The following PHLPP1 variants were observed in gnomAD, a reference collection of about 807,000 sequenced individuals.
PHLPP1 encodes PH domain leucine-rich repeat-containing protein phosphatase 1.
Under a neutral mutation model 117.2 loss-of-function variants are expected in PHLPP1, and 42 were observed. That is an observed-to-expected ratio of 0.36 (90% confidence interval 0.28 to 0.46). The LOEUF (loss-of-function observed/expected upper bound fraction) is 0.46. Ranked by LOEUF, PHLPP1 falls within the 20% of genes least tolerant of loss-of-function variation. The pLI, the probability that PHLPP1 is intolerant of heterozygous loss-of-function variation, is 1.00. For missense variants in PHLPP1, 2,084 were observed against 2,241.9 expected (o/e 0.93, Z 1.42); for synonymous variants, 1,042 against 970.7 (o/e 1.07, Z -1.37).
chr18:62,743,984 C>A (rs1179311525), intron 1 of PHLPP1, among the ~76,000 whole-genome samples: 1 of 152,136 alleles, frequency 6.6e-6, no homozygotes, highest in African/African-American at 2.4e-5. Context: ...GTTGGATCTT[C>A]TTTTGCTGGA....
chr18:62,732,020 A>G (rs1911239395), intron 1 of PHLPP1, among the ~76,000 whole-genome samples: 1 of 152,252 alleles, frequency 6.6e-6, no homozygotes, highest in African/African-American at 2.4e-5. Context: ...ACAAAGGTGC[A>G]AGGTGAAGCT....
At chr18:62,737,028 G>A (rs1435304986) in intron 1 of PHLPP1, among the ~76,000 whole-genome samples, 1 of 152,122 alleles carries the variant, frequency 6.6e-6, no homozygotes, top group African/African-American at 2.4e-5. Flanking sequence ...CCTATCTAAT[G>A]GGAGGTGACG....
chr18:62,791,061 A>T (rs1258767935), intron 1 of PHLPP1, among the ~76,000 whole-genome samples: 1 of 152,076 alleles, frequency 6.6e-6, no homozygotes, highest in African/African-American at 2.4e-5. Context: ...CTTGGACTTA[A>T]AGGCCTGGAG....
At chr18:62,783,990 C>T (rs1278084675) in intron 1 of PHLPP1, among the ~76,000 whole-genome samples, 2 of 152,228 alleles carry the variant, frequency 1.3e-5, no homozygotes, top group African/African-American at 2.4e-5. Context: ...AGAGCTGAAG[C>T]TGCTGGCTAC....
intron 5 of PHLPP1, 46 bp from the exon 6 acceptor site, chr18:62,895,735 T>TA: frequency 8.5e-7 from 1 of 1,177,902 alleles, no homozygotes; most frequent in Non-Finnish European, 1.3e-6. Context: ...AATAAAGATG[T>TA]AAAATTTATA....
intron 1 of PHLPP1, among the ~76,000 whole-genome samples, chr18:62,723,139 G>A (rs1277408966): frequency 6.6e-6 from 1 of 152,182 alleles, no homozygotes; most frequent in African/African-American, 2.4e-5. Flanking sequence ...TTGTGGAGGT[G>A]TAAGCCTAGT....
intron 10 of PHLPP1, among the ~76,000 whole-genome samples, chr18:62,937,944 G>A (rs997740285): frequency 6.6e-6 from 1 of 152,110 alleles, no homozygotes; most frequent in Non-Finnish European, 1.5e-5. Flanking sequence ...CCTGGGAGGC[G>A]GAGGTTGCTG....
chr18:62,845,722 G>A (rs1915164238), intron 3 of PHLPP1, among the ~76,000 whole-genome samples: 6 of 152,124 alleles, frequency 3.9e-5, no homozygotes, highest in Admixed American at 3.9e-4. Flanking sequence ...TGTTAGCATG[G>A]TCTGCCACTT....
At chr18:62,898,485 A>G (rs552724814) in intron 6 of PHLPP1, among the ~76,000 whole-genome samples, 1 of 152,164 alleles carries the variant, frequency 6.6e-6, no homozygotes, top group South Asian at 2.1e-4. Flanking sequence ...CAGCCTCCCA[A>G]GCAAGCACAA....
intron 6 of PHLPP1, among the ~76,000 whole-genome samples, chr18:62,900,671 C>T (rs558790965): frequency 6.6e-6 from 1 of 151,778 alleles, no homozygotes; most frequent in African/African-American, 2.4e-5. Flanking sequence ...TGCTCTGTTG[C>T]CCAGTCTGGT....
intron 3 of PHLPP1, 31 bp downstream of exon 3, chr18:62,838,940 C>T (rs369285728): frequency 3.7e-6 from 6 of 1,611,566 alleles, no homozygotes; most frequent in African/African-American, 1.3e-5. Flanking sequence ...GGAATCCACT[C>T]AGCTTCTAGC....
chr18:62,962,425 A>C (rs529889913), intron 13 of PHLPP1, among the ~76,000 whole-genome samples: 6 of 152,154 alleles, frequency 3.9e-5, no homozygotes, highest in African/African-American at 1.4e-4. Context: ...CTCCTGTCTC[A>C]GCCTCCCGAG....
chr18:62,852,261 T>G (rs1245117143), intron 3 of PHLPP1, among the ~76,000 whole-genome samples: 1 of 152,208 alleles, frequency 6.6e-6, no homozygotes, highest in African/African-American at 2.4e-5. Context: ...AAATTCCAGG[T>G]AGAATTTCAT....
intron 1 of PHLPP1, among the ~76,000 whole-genome samples, chr18:62,764,563 C>T (rs1169574426): frequency 2.0e-5 from 3 of 151,860 alleles, no homozygotes; most frequent in Non-Finnish European, 4.4e-5. Context: ...ATCAGCCTGG[C>T]CAACATGGTG....
At position 62,914,022 on chromosome 18, in the gene PHLPP1, A is replaced by G. The variant is rs115016417; in HGVS notation, c.2709-891A>G. On this transcript the variant is annotated intron_variant, in intron 8 of 16. Coordinates refer to ENST00000262719, the MANE Select transcript of PHLPP1 (RefSeq NM_194449.4). ...GGCCTCCCAAAGTGCCGGGATTACA[A>G]GCATGAGCTACCATGCCTGGCCTAG... Among the ~76,000 whole-genome samples, 416 of 152,182 alleles carry G rather than the reference A, an allele frequency of 2.7e-3. 2 individuals are homozygous for G. The highest frequency in any genetic ancestry group is 9.8e-3 in the African/African-American group (405 of 41,538).
Position 62,950,981 on chromosome 18 carries a change from GT to G in PHLPP1, c.3324+5724del, listed in dbSNP as rs770050748. ...TGGTGTAATGAGTTAACCCAGACTAGTTTTTTTTTTTTTTGAGTTGGAGTCT... is the reference window on the plus strand; with the variant it reads ...TGGTGTAATGAGTTAACCCAGACTAGTTTTTTTTTTTTTGAGTTGGAGTCT... On this transcript the variant is annotated intron_variant, in intron 12 of 16. Transcript: ENST00000262719. 9.7e-3 allele frequency among the ~76,000 whole-genome samples: 1,390 copies of G among 143,862 alleles called. 3 individuals are homozygous for G. The highest frequency in any genetic ancestry group is 0.016 in the Non-Finnish European group (1,024 of 65,124). 94.4% of individuals were successfully genotyped at this position (143,862 alleles called of 152,430 possible).
intron 1 of PHLPP1, among the ~76,000 whole-genome samples, chr18:62,813,862 C>A (rs1393576069): frequency 6.6e-6 from 1 of 152,144 alleles, no homozygotes; most frequent in East Asian, 1.9e-4. Context: ...CACAAACATA[C>A]AATCAGTGAT....
At chr18:62,960,632 A>C (rs915681565) in intron 13 of PHLPP1, among the ~76,000 whole-genome samples, 2 of 152,248 alleles carry the variant, frequency 1.3e-5, no homozygotes, top group African/African-American at 4.8e-5. Flanking sequence ...AAAGATGTTC[A>C]AACTTATAAG....
At chr18:62,806,739 CAT>C (rs1243371879) in intron 1 of PHLPP1, among the ~76,000 whole-genome samples, 1 of 152,082 alleles carries the variant, frequency 6.6e-6, no homozygotes, top group African/African-American at 2.4e-5. Context: ...TTTTGAAAGA[CAT>C]AATTTTCTAT....
Sources: allele counts gnomAD v4.1 joint callset (sites outside exome capture counted in the v4.1 genomes callset), GRCh38; gene constraint gnomAD v4.1.1; transcripts MANE v1.5; gene names NCBI Gene and HGNC (gene_info 2026-07-23, HGNC 2026-07-21).